Variants in CDYL2 observed in about 807,000 individuals in gnomAD.
CDYL2 encodes the protein chromodomain Y-like protein 2.
In CDYL2, 23 loss-of-function variants were observed where a neutral mutation model predicts 49.4. The ratio of observed to expected loss-of-function variants is 0.47; its 90% CI spans 0.34 to 0.66. CDYL2 has a LOEUF of 0.66. CDYL2 is among the 30% of genes least tolerant of loss of function. The probability of loss-of-function intolerance (pLI) is 0.01; values close to 1 mark genes in which losing one functional copy is unlikely to be tolerated. For missense variants in CDYL2, 678 were observed against 656.4 expected, an observed-to-expected ratio of 1.03 and a Z score of -0.36; for synonymous variants, 360 against 268.8, an observed-to-expected ratio of 1.34 and a Z score of -3.32.
chr16:80,635,844 T>C (rs541386029), intron 2 of CDYL2, among the ~76,000 whole-genome samples: 2 of 152,180 alleles, frequency 1.3e-5, no homozygotes, highest in Non-Finnish European at 2.9e-5. Context: ...CAAAACAGCA[T>C]GGTACTGGTA....
intron 5 of CDYL2, among the ~76,000 whole-genome samples, chr16:80,609,492 T>C (rs1906499790): frequency 6.6e-6 from 1 of 152,198 alleles, no homozygotes; most frequent in African/African-American, 2.4e-5. Context: ...TTTATGTCGA[T>C]AATAAGTCTT....
intron 1 of CDYL2, among the ~76,000 whole-genome samples, chr16:80,698,728 G>T (rs544360743): frequency 6.9e-4 from 105 of 152,150 alleles, no homozygotes; most frequent in Middle Eastern, 3.4e-3. Context: ...TATAAGATGT[G>T]TCTTCTTCCC....
chr16:80,646,089 T>A lies in CDYL2; in HGVS notation c.617-12853A>T, dbSNP rs1281314331. ...CACACCAACATGGCGCATGTATACA[T>A]ATGTAACAAACCTGCACGTTGTGTA... On this transcript the variant is annotated intron_variant, in intron 2 of 6. Transcript: ENST00000570137. 3.3e-5 allele frequency among the ~76,000 whole-genome samples: 5 copies of A among 151,700 alleles called. 1 individual carries two copies. The highest frequency in any genetic ancestry group is 3.9e-4 in the East Asian group (2 of 5,134).
chr16:80,783,209 T>C (rs1162368809), intron 1 of CDYL2, among the ~76,000 whole-genome samples: 1 of 151,994 alleles, frequency 6.6e-6, no homozygotes, highest in Non-Finnish European at 1.5e-5. Flanking sequence ...GGCAAAGAAG[T>C]TGAATAAGTA....
rs112376869 is a variant in CDYL2 at position 80,758,838 on chromosome 16, G to C, written c.24+45312C>G. Among the ~76,000 whole-genome samples the C allele has an allele frequency of 5.6e-3, 846 of 151,140 alleles. 13 individuals are homozygous for C. The highest frequency in any genetic ancestry group is 0.019 in the African/African-American group (779 of 41,256). On this transcript the variant is annotated intron_variant, in intron 1 of 6. Transcript: ENST00000570137. ...ATTACAGGCGTGAGCCACCACGCCC[G>C]GCCTGCTGCAGCACTTCTAATCATA...
At chr16:80,759,601 G>C (rs1320169109) in intron 1 of CDYL2, among the ~76,000 whole-genome samples, 1 of 152,100 alleles carries the variant, frequency 6.6e-6, no homozygotes, top group Non-Finnish European at 1.5e-5. Flanking sequence ...CTTTTGGTTT[G>C]GGTTAGTGTT....
intron 1 of CDYL2, among the ~76,000 whole-genome samples, chr16:80,713,197 C>T (rs1272948077): frequency 6.6e-6 from 1 of 152,158 alleles, no homozygotes; most frequent in Admixed American, 6.5e-5. Flanking sequence ...ATGTCTGCTA[C>T]ACTGCAGGCA....
At chr16:80,799,447 C>G (rs187727397) in intron 1 of CDYL2, among the ~76,000 whole-genome samples, 2 of 152,164 alleles carry the variant, frequency 1.3e-5, no homozygotes, top group Admixed American at 6.5e-5. Flanking sequence ...AAGTGCCTCT[C>G]ATATATTTGG....
Position 80,684,916 on chromosome 16 carries a change from C to G in CDYL2, c.238G>C (p.Asp80His). ...TTCTCAACCGACGGGCCTCGACTGT[C>G]ACGCAGCAGCTTGGAGGTACTGGAC... is the stretch of plus-strand genomic sequence containing the variant. ...KQSSTSKLLRDSRGPSVEKLS... is the reference protein window; with the variant it reads ...KQSSTSKLLRHSRGPSVEKLS... Residue 80 changes from aspartate (D) to histidine (H), a missense_variant, in exon 2 of 7, where the codon GAC (aspartate) becomes CAC (histidine). By Grantham distance (81) the Asp-to-His change is moderately conservative (BLOSUM62 -1). Coordinates refer to ENST00000570137, the MANE Select transcript of CDYL2 (RefSeq NM_152342.4). The G allele has an allele frequency of 1.2e-6, 2 of 1,614,194 alleles. No homozygotes were observed. Among genetic ancestry groups the G allele is most frequent in the Non-Finnish European group, 1.7e-6 (2 of 1,180,034 alleles).
chr16:80,610,721 C>T (rs942072300), intron 5 of CDYL2, among the ~76,000 whole-genome samples: 2 of 152,190 alleles, frequency 1.3e-5, no homozygotes, highest in African/African-American at 4.8e-5. Context: ...GATGACAGCA[C>T]CAAGCTCCCA....
chr16:80,688,539 A>G (rs940428668), intron 1 of CDYL2, among the ~76,000 whole-genome samples: 4 of 152,202 alleles, frequency 2.6e-5, no homozygotes, highest in Non-Finnish European at 5.9e-5. Context: ...TTTCACCCCC[A>G]ATTTAAAAAA....
chr16:80,719,467 A>C (rs987011372), intron 1 of CDYL2, among the ~76,000 whole-genome samples: 6 of 152,106 alleles, frequency 3.9e-5, no homozygotes, highest in Non-Finnish European at 8.8e-5. Context: ...TTAATTTTCT[A>C]CATCATCATG....
At chr16:80,680,392 G>A (rs1249512509) in intron 2 of CDYL2, among the ~76,000 whole-genome samples, 1 of 152,192 alleles carries the variant, frequency 6.6e-6, no homozygotes, top group African/African-American at 2.4e-5. Context: ...TGGTAATTTG[G>A]AGAACGCTGC....
intron 2 of CDYL2, among the ~76,000 whole-genome samples, chr16:80,662,541 T>G (rs1354212056): frequency 6.6e-6 from 1 of 152,134 alleles, no homozygotes; most frequent in Non-Finnish European, 1.5e-5. Context: ...TAGTGAGTGT[T>G]CACCAGATGC....
chr16:80,763,332 TGGGTG>T (rs879500206), intron 1 of CDYL2, among the ~76,000 whole-genome samples: 1,284 of 152,004 alleles, frequency 8.4e-3, no homozygotes, highest in Middle Eastern at 0.017. Context: ...TCACCAGGGC[TGGGTG>T]AGGTGGCTCA....
chr16:80,666,392 C>T lies in CDYL2; in HGVS notation c.616+18146G>A, dbSNP rs1056735855. ...TCATAAATTACATGATTTGGGCATT[C>T]GCTCTCTCATAGCAAAGAACTGCGC... is the stretch of plus-strand genomic sequence containing the variant. On this transcript the variant is annotated intron_variant, in intron 2 of 6. Transcript: ENST00000570137. Among the ~76,000 whole-genome samples, 19 of 152,292 alleles carry T rather than the reference C, an allele frequency of 1.2e-4. No individual in the cohort carries two copies. In the South Asian group the frequency reaches 2.9e-3, roughly 23 times the overall value.
intron 1 of CDYL2, among the ~76,000 whole-genome samples, chr16:80,737,441 G>C (rs903718240): frequency 6.6e-5 from 10 of 152,160 alleles, no homozygotes; most frequent in African/African-American, 2.4e-4. Context: ...TACCAAAGCT[G>C]GGGTTCAAAC....
chr16:80,789,211 T>A lies in CDYL2; in HGVS notation c.24+14939A>T, dbSNP rs571682405. 2.6e-5 allele frequency among the ~76,000 whole-genome samples: 4 copies of A among 152,288 alleles called. No homozygotes were observed. In the South Asian group the frequency reaches 8.3e-4, roughly 32 times the overall value. On this transcript the variant is annotated intron_variant, in intron 1 of 6. Transcript: ENST00000570137. ...AGTTCAACCTCTATGGAAAACAGTA[T>A]AGAGGTATCTCAAACAGCTAAAAAT...
intron 1 of CDYL2, among the ~76,000 whole-genome samples, chr16:80,771,359 G>T (rs1216070105): frequency 6.6e-6 from 1 of 152,176 alleles, no homozygotes; most frequent in Non-Finnish European, 1.5e-5. Flanking sequence ...CTTAAAATAA[G>T]GATGCTTATT....
Sources: allele counts gnomAD v4.1 joint callset (sites outside exome capture counted in the v4.1 genomes callset), GRCh38; gene constraint gnomAD v4.1.1; transcripts MANE v1.5; gene names NCBI Gene and HGNC (gene_info 2026-07-23, HGNC 2026-07-21).